The following KCNK9 variants were observed in gnomAD, a reference collection of about 807,000 sequenced individuals.
The protein encoded by KCNK9 is potassium channel subfamily K member 9.
In KCNK9, 1 loss-of-function variant was observed where a neutral mutation model predicts 10.8. That is an observed-to-expected ratio of 0.09 (90% CI 0.03 to 0.44). The LOEUF is 0.44. Ranked by LOEUF, KCNK9 falls within the 20% of genes least tolerant of loss-of-function variation. The pLI, the probability that KCNK9 is intolerant of heterozygous loss-of-function variation, is 0.97. For missense variants in KCNK9, 303 were observed against 515.0 expected (o/e 0.59, Z 3.98); for synonymous variants, 231 against 222.7 (o/e 1.04, Z -0.33).
downstream of KCNK9, among the ~76,000 whole-genome samples, chr8:139,614,393 T>C (rs1054413160): frequency 5.3e-5 from 8 of 152,158 alleles, no homozygotes; most frequent in African/African-American, 1.7e-4. Context: ...CCTGAAAGGA[T>C]GATGGACCCC....
At chr8:139,646,395 C>T (rs1255928064) in intron 1 of KCNK9, among the ~76,000 whole-genome samples, 1 of 152,238 alleles carries the variant, frequency 6.6e-6, no homozygotes, top group Non-Finnish European at 1.5e-5. Context: ...TGACAGTCAG[C>T]TCCGTGGCTT....
chr8:139,632,272 G>A (rs1208950028), intron 1 of KCNK9, among the ~76,000 whole-genome samples: 1 of 152,212 alleles, frequency 6.6e-6, no homozygotes, highest in African/African-American at 2.4e-5. Context: ...GCAGGAGCAG[G>A]CAAGATCTGT....
At chr8:139,685,666 G>A (rs184868322) in intron 1 of KCNK9, among the ~76,000 whole-genome samples, 19 of 152,174 alleles carry the variant, frequency 1.2e-4, no homozygotes, top group African/African-American at 3.1e-4. Context: ...CTACATTTTC[G>A]TTATTTATTC....
chr8:139,664,878 C>T (rs72681268), intron 1 of KCNK9, among the ~76,000 whole-genome samples: 2,923 of 152,172 alleles, frequency 0.019, 36 homozygotes, highest in Non-Finnish European at 0.033. Flanking sequence ...GTGGGGCCAC[C>T]GTGTGGCTTT....
At chr8:139,605,769 G>A (rs572989917) in intron 2 of KCNK9, among the ~76,000 whole-genome samples, 1 of 152,318 alleles carries the variant, frequency 6.6e-6, no homozygotes, top group African/African-American at 2.4e-5. Flanking sequence ...ACAAAAGAAA[G>A]ATGCAAACCC....
At chr8:139,600,884 A>G (rs1414906606), downstream of KCNK9, 1 of 152,230 alleles carries the variant, frequency 6.6e-6, no homozygotes, top group East Asian at 1.9e-4. Context: ...CATCACATAC[A>G]TTATCTCAGT....
rs554269411 is a variant in KCNK9 at position 139,619,214 on chromosome 8, G to C, written c.284-115C>G. 4 of 1,199,222 alleles carry C rather than the reference G, an allele frequency of 3.3e-6. No homozygotes were observed. In the South Asian group the frequency reaches 4.0e-5, roughly 12 times the overall value. 74.3% of individuals were successfully genotyped at this position (1,199,222 alleles called of 1,614,324 possible). On this transcript the variant is annotated intron_variant, in intron 1 of 1. Transcript: ENST00000520439. ...TGCAATGCAGAGGGACCTGGTACTGGGGGAATTTCCTCTGCAGGGTAGAGG... is the reference window on the plus strand; with the variant it reads ...TGCAATGCAGAGGGACCTGGTACTGCGGGAATTTCCTCTGCAGGGTAGAGG...
intron 1 of KCNK9, among the ~76,000 whole-genome samples, chr8:139,642,605 C>T (rs1184771036): frequency 6.6e-6 from 1 of 152,200 alleles, no homozygotes; most frequent in African/African-American, 2.4e-5. Context: ...CACACCTGGC[C>T]GGGCACACCC....
chr8:139,645,347 CG>C (rs1259016670), intron 1 of KCNK9, among the ~76,000 whole-genome samples: 1 of 152,154 alleles, frequency 6.6e-6, no homozygotes, highest in Admixed American at 6.5e-5. Context: ...CAGTTCTAGA[CG>C]GCAGAGGCTG....
Position 139,702,160 on chromosome 8 carries a change from G to C in KCNK9, c.283+550C>G, listed in dbSNP as rs571338439. ...CTCAGGGGAAAAAAGGAGCCGGGCG[G>C]GGGGAAGAGAGATGAAATCTGAGCT... On this transcript the variant is annotated intron_variant, in intron 1 of 1. Coordinates refer to ENST00000520439, the MANE Select transcript of KCNK9 (RefSeq NM_001282534.2). This position sits in a 1 kb window ranked among gnomAD's most constrained non-coding sequence, Gnocchi z 7.5. Among the ~76,000 whole-genome samples the C allele has an allele frequency of 3.3e-5, 5 of 152,312 alleles. No individual in the cohort carries two copies. The highest frequency in any genetic ancestry group is 1.9e-4 in the East Asian group (1 of 5,174).
At chr8:139,612,676 T>TAACA (rs771477455), downstream of KCNK9, 6 of 152,184 alleles carry the variant, frequency 3.9e-5, no homozygotes, top group African/African-American at 1.4e-4. Context: ...TTAGTTCCCC[T>TAACA]AACAGAGGAA....
At position 139,618,178 on chromosome 8, in the gene KCNK9, TAAGAA is replaced by T. The variant is rs1269019840; in HGVS notation, c.*75_*79del. ...GATGACAATAATAATAATAAATAAATAAGAAAAGACGAGTTGGACCAATGGAAATT... is the reference window on the plus strand; with the variant it reads ...GATGACAATAATAATAATAAATAAATAAGACGAGTTGGACCAATGGAAATT... On this transcript the variant is annotated 3_prime_UTR_variant, in exon 2 of 2. Transcript: ENST00000520439. The surrounding 1 kb of genome is among the most constrained non-coding windows in gnomAD (Gnocchi z 7.9). 21 of 1,537,298 alleles carry T rather than the reference TAAGAA, an allele frequency of 1.4e-5. No individual in the cohort carries two copies. Among genetic ancestry groups the T allele is most frequent in the East Asian group, 9.0e-5 (4 of 44,534 alleles).
chr8:139,654,293 G>A (rs181365700), intron 1 of KCNK9, among the ~76,000 whole-genome samples: 34 of 152,344 alleles, frequency 2.2e-4, no homozygotes, highest in African/African-American at 7.0e-4. Context: ...GACCTGCAGC[G>A]TTCAGCCCCC....
intron 1 of KCNK9, among the ~76,000 whole-genome samples, chr8:139,644,628 G>A (rs1419693127): frequency 6.6e-6 from 1 of 152,140 alleles, no homozygotes; most frequent in Non-Finnish European, 1.5e-5. Flanking sequence ...CGGTGGACCT[G>A]GGTAGCACAG....
rs1586633011 is a variant in KCNK9, at chr8:139,618,638, T to C, written c.745A>G (p.Met249Val). ...TCCCGCCGCTCATCCTCACTGTTCA[T>C]GGTCAAGAACCTGAGGACGACCAGG... Reference protein sequence around the residue: ...LNLVVLRFLTMNSEDERRDAE... With the variant: ...LNLVVLRFLTVNSEDERRDAE... Residue 249 changes from methionine (M) to valine (V), a missense_variant, in exon 2 of 2, where the codon ATG (methionine) becomes GTG (valine). Around this residue, in one of 5 missense-constraint regions of KCNK9, gnomAD observed 53 missense variants for 134.9 expected, o/e 0.39. Coordinates refer to ENST00000520439, the MANE Select transcript of KCNK9 (RefSeq NM_001282534.2). The surrounding 1 kb of genome is among the most constrained non-coding windows in gnomAD (Gnocchi z 7.9). The C allele has an allele frequency of 6.2e-7, 1 of 1,614,206 alleles. No homozygotes were observed.
At chr8:139,615,168 A>T (rs1450216045), downstream of KCNK9, among the ~76,000 whole-genome samples, 1 of 152,230 alleles carries the variant, frequency 6.6e-6, no homozygotes, top group African/African-American at 2.4e-5. Flanking sequence ...GGCTGTAAAT[A>T]GCAACAGAAG....
At chr8:139,611,725 T>G (rs937337343), downstream of KCNK9, 1 of 152,264 alleles carries the variant, frequency 6.6e-6, no homozygotes. Flanking sequence ...TGGGGCACAC[T>G]CCACCCTGCC....
chr8:139,703,009 C>A lies in KCNK9; in HGVS notation c.-17G>T, dbSNP rs1204387157. ...CCTCTTCATGGCCGCCAGCAAGGAG[C>A]CGGCGCGGGGGGCATGTCCCGCAGG... On this transcript the variant is annotated 5_prime_UTR_variant, in exon 1 of 2. Coordinates refer to ENST00000520439, the MANE Select transcript of KCNK9 (RefSeq NM_001282534.2). This position sits in a 1 kb window ranked among gnomAD's most constrained non-coding sequence, Gnocchi z 6.4. 6.4e-7 allele frequency: 1 copy of A among 1,550,560 alleles called. No homozygotes were observed. Among genetic ancestry groups the A allele is most frequent in the African/African-American group, 1.4e-5 (1 of 73,114 alleles).
downstream of KCNK9, among the ~76,000 whole-genome samples, chr8:139,608,622 G>A (rs190137402): frequency 2.5e-3 from 384 of 151,622 alleles, 1 homozygote; most frequent in Non-Finnish European, 4.3e-3. Flanking sequence ...CAGGCTTTGC[G>A]GGGGGGCGGG....
Sources: allele counts gnomAD v4.1 joint callset (sites outside exome capture counted in the v4.1 genomes callset), GRCh38; gene constraint gnomAD v4.1.1; regional missense constraint gnomAD v4.1.1; non-coding constraint Gnocchi (gnomAD v3.1); transcripts MANE v1.5; gene names NCBI Gene and HGNC (gene_info 2026-07-23, HGNC 2026-07-21).